Variants in CCDC181 observed in about 807,000 individuals in gnomAD.
CCDC181 encodes the protein coiled-coil domain-containing protein 181.
Under a neutral mutation model 58.7 loss-of-function variants are expected in CCDC181, and 35 were observed. The ratio of observed to expected loss-of-function variants is 0.60; its 90% CI spans 0.46 to 0.79. The LOEUF is 0.79. Ranked by LOEUF, CCDC181 falls within the 30% of genes least tolerant of loss-of-function variation. The pLI is 0.00. For synonymous variants in CCDC181, 183 were observed against 197.5 expected, an observed-to-expected ratio of 0.93 and a Z score of 0.62; for missense variants, 517 against 583.9, an observed-to-expected ratio of 0.89 and a Z score of 1.18.
At chr1:169,401,636 A>C (rs531822658) in intron 4 of CCDC181, among the ~76,000 whole-genome samples, 32 of 152,244 alleles carry the variant, frequency 2.1e-4, no homozygotes, top group Non-Finnish European at 4.1e-4. Flanking sequence ...ATCCACACCA[A>C]AACCCCATCT....
At chr1:169,405,069 A>AT (rs2102054181) in intron 4 of CCDC181, among the ~76,000 whole-genome samples, 1 of 152,350 alleles carries the variant, frequency 6.6e-6, no homozygotes, top group Admixed American at 6.5e-5. Flanking sequence ...ATTGCTTCAA[A>AT]GGGAATAAAA....
At chr1:169,451,684 A>G (rs1461595197) in intron 2 of CCDC181, among the ~76,000 whole-genome samples, 1 of 152,076 alleles carries the variant, frequency 6.6e-6, no homozygotes, top group Non-Finnish European at 1.5e-5. Context: ...ACAAGCATAA[A>G]TAAATAACAT....
upstream of CCDC181, among the ~76,000 whole-genome samples, chr1:169,431,159 G>A (rs1656909844): frequency 6.6e-6 from 1 of 152,116 alleles, no homozygotes. Flanking sequence ...CTATTCTCCT[G>A]CCTCACTACT....
chr1:169,409,003 C>A (rs1055189470), intron 4 of CCDC181, among the ~76,000 whole-genome samples: 5 of 152,156 alleles, frequency 3.3e-5, no homozygotes, highest in African/African-American at 1.2e-4. Context: ...CACAACTCCT[C>A]GCCAGCAAGG....
At chr1:169,444,644 C>T (rs1202899328) in intron 2 of CCDC181, among the ~76,000 whole-genome samples, 1 of 152,130 alleles carries the variant, frequency 6.6e-6, no homozygotes, top group Non-Finnish European at 1.5e-5. Flanking sequence ...TTGAATTCTT[C>T]CAAATATTTT....
At chr1:169,412,428 T>C (rs1178932567) in intron 4 of CCDC181, among the ~76,000 whole-genome samples, 1 of 152,050 alleles carries the variant, frequency 6.6e-6, no homozygotes, top group Non-Finnish European at 1.5e-5. Flanking sequence ...AGAATCAATA[T>C]TATGAAAATG....
chr1:169,417,929 A>G (rs1215306950), intron 4 of CCDC181, among the ~76,000 whole-genome samples: 2 of 152,194 alleles, frequency 1.3e-5, no homozygotes, highest in African/African-American at 4.8e-5. Flanking sequence ...TTTCTCACAC[A>G]TGCTCATATA....
At chr1:169,454,296 C>G (rs1657627681) in intron 2 of CCDC181, 1 of 151,904 alleles carries the variant, frequency 6.6e-6, no homozygotes, top group African/African-American at 2.4e-5. Context: ...TAAAAATACT[C>G]CTACTCATTT....
chr1:169,418,915 C>T, intron 4 of CCDC181, 98 bp downstream of exon 4: 1 of 941,404 alleles, frequency 1.1e-6, no homozygotes, highest in Non-Finnish European at 1.6e-6. Flanking sequence ...TTTTCTACTT[C>T]TTCCATAGGC....
At chr1:169,423,577 T>C (rs1179083052) in intron 2 of CCDC181, among the ~76,000 whole-genome samples, 1 of 152,058 alleles carries the variant, frequency 6.6e-6, no homozygotes, top group African/African-American at 2.4e-5. Context: ...GTAAGATTCA[T>C]AACAGCACTT....
In CCDC181 at chr1:169,395,177, A is replaced by G. The variant is rs921837909; in HGVS notation, c.1400T>C (p.Met467Thr). 1 of 1,611,844 alleles carries G rather than the reference A, an allele frequency of 6.2e-7. No homozygotes were observed. The highest frequency in any genetic ancestry group is 1.3e-5 in the African/African-American group (1 of 74,726). Residue 467 changes from methionine (M) to threonine (T), a missense_variant, in exon 6 of 6, where the codon ATG becomes ACG. Met to Thr is a moderately conservative substitution (Grantham distance 81). Transcript: ENST00000367806. ...CTCTCTGACAGCTTGTTGCTCTGCC[A>G]TTTTTTCCATCCGTTTCCTTCTTAA... ...QWLRRKRMEKMAEQQAVRERT... is the reference protein window; with the variant it reads ...QWLRRKRMEKTAEQQAVRERT...
chr1:169,431,686 C>G (rs1300922522), upstream of CCDC181, among the ~76,000 whole-genome samples: 1 of 152,134 alleles, frequency 6.6e-6, no homozygotes, highest in South Asian at 2.1e-4. Context: ...AACCCCAAAC[C>G]CCAGCTCCCT....
chr1:169,403,358 T>C (rs908435716), intron 4 of CCDC181, among the ~76,000 whole-genome samples: 1 of 152,334 alleles, frequency 6.6e-6, no homozygotes, highest in East Asian at 1.9e-4. Flanking sequence ...AGAATATACA[T>C]TCTTCTCAGC....
intron 2 of CCDC181, among the ~76,000 whole-genome samples, chr1:169,437,295 C>A (rs7516248): frequency 6.6e-6 from 1 of 151,958 alleles, no homozygotes; most frequent in Admixed American, 6.6e-5. Flanking sequence ...GGCAGTGTAT[C>A]CTTAAATATT....
intron 2 of CCDC181, among the ~76,000 whole-genome samples, chr1:169,438,367 C>T (rs750193537): frequency 2.6e-5 from 4 of 152,058 alleles, no homozygotes; most frequent in Admixed American, 6.6e-5. Flanking sequence ...TTCCCTTTCT[C>T]TGCAGCTTCC....
intron 2 of CCDC181, chr1:169,451,231 T>C (rs1268916764): frequency 1.3e-5 from 2 of 152,088 alleles, no homozygotes; most frequent in African/African-American, 4.8e-5. Flanking sequence ...CTGGGGAAAA[T>C]CACAGCTCTG....
At chr1:169,433,189 G>A (rs1308306264) in intron 2 of CCDC181, among the ~76,000 whole-genome samples, 1 of 151,786 alleles carries the variant, frequency 6.6e-6, no homozygotes, top group African/African-American at 2.4e-5. Context: ...ATACACTAAT[G>A]ATGAACAGTC....
rs374310896 is a variant in CCDC181, at chr1:169,422,024, T to C, written c.407A>G (p.Lys136Arg). 1.9e-6 allele frequency: 3 copies of C among 1,613,990 alleles called. No homozygotes were observed. The African/African-American group carries it at 4.0e-5, about 22-fold the overall frequency. The change falls in exon 3 of 6, where the codon AAG becomes AGG. Residue 136 changes from lysine (K) to arginine (R), a missense_variant. Transcript: ENST00000367806. The stretch of plus-strand genomic sequence containing the variant: ...CACCGGTTCTTGATTCTGTAGAAGC[T>C]TGTTAGCTTGTACAATTTTCTCCAT... ...YIMEKIVQAN[K>R]LLQNQEPVND...
chr1:169,401,288 T>C (rs1159912580), intron 4 of CCDC181, among the ~76,000 whole-genome samples: 1 of 152,148 alleles, frequency 6.6e-6, no homozygotes, highest in African/African-American at 2.4e-5. Flanking sequence ...TCTGACAGCT[T>C]TGAAGAGAGT....
Sources: allele counts gnomAD v4.1 joint callset (sites outside exome capture counted in the v4.1 genomes callset), GRCh38; gene constraint gnomAD v4.1.1; transcripts MANE v1.5; gene names NCBI Gene and HGNC (gene_info 2026-07-23, HGNC 2026-07-21).